The following GLIS3 variants were observed in gnomAD, a reference collection of about 807,000 sequenced individuals.
GLIS3 encodes the protein GLIS family zinc finger 3.
A neutral mutation model predicts 78.6 loss-of-function variants in GLIS3; 53 were observed. That is an observed-to-expected ratio of 0.67 (90% CI 0.54 to 0.85). GLIS3 has a LOEUF of 0.85. Among genes scored for constraint, GLIS3 ranks in the 40% least tolerant of loss-of-function variants. The probability of loss-of-function intolerance (pLI) is 0.00; values close to 1 mark genes in which losing one functional copy is unlikely to be tolerated. For missense variants in GLIS3, 1,703 were observed against 1,231.1 expected (o/e 1.38, Z -5.74); for synonymous variants, 684 against 509.9 (o/e 1.34, Z -4.60).
intron 8 of GLIS3, among the ~76,000 whole-genome samples, chr9:3,856,895 T>TTTAAATAAGGAGATGTTGTCAAGA (rs1342462576): frequency 2.0e-5 from 3 of 152,120 alleles, no homozygotes; most frequent in African/African-American, 7.2e-5. Context: ...CATGTTGATG[T>TTTAAATAAGGAGATGTTGTCAAGA]TTAAATAAGG....
the GLIS3 span, among the ~76,000 whole-genome samples, chr9:4,355,981 T>G: frequency 6.6e-6 from 1 of 152,178 alleles, no homozygotes; most frequent in African/African-American, 2.4e-5. Context: ...GGCACTTCAG[T>G]TCTGTGTGTT....
chr9:4,056,734 C>T (rs1198481577), intron 4 of GLIS3, among the ~76,000 whole-genome samples: 1 of 152,054 alleles, frequency 6.6e-6, no homozygotes, highest in African/African-American at 2.4e-5. Context: ...ACCACGCACA[C>T]ACAAACTATG....
the GLIS3 span, among the ~76,000 whole-genome samples, chr9:4,399,722 A>T: frequency 6.6e-6 from 1 of 152,206 alleles, no homozygotes; most frequent in Middle Eastern, 3.2e-3. Flanking sequence ...AGTAACAAGT[A>T]AAGTAGACTA....
intron 2 of GLIS3, among the ~76,000 whole-genome samples, chr9:4,316,961 A>ACGT (rs143613916): frequency 6.6e-6 from 1 of 151,680 alleles, no homozygotes; most frequent in African/African-American, 2.4e-5. Flanking sequence ...GTTTTTTAAT[A>ACGT]TGTTTTGCTT....
At chr9:4,131,687 C>T (rs1317935164) in intron 2 of GLIS3, among the ~76,000 whole-genome samples, 1 of 152,200 alleles carries the variant, frequency 6.6e-6, no homozygotes, top group Non-Finnish European at 1.5e-5. Context: ...GCCTGCAGAA[C>T]TGTGAACCAA....
chr9:4,084,459 T>G (rs1828845489), intron 4 of GLIS3, among the ~76,000 whole-genome samples: 1 of 151,962 alleles, frequency 6.6e-6, no homozygotes, highest in South Asian at 2.1e-4. Flanking sequence ...CAGGTTCGCG[T>G]GGTGGAGAAG....
At chr9:4,155,740 G>A (rs941827851) in intron 2 of GLIS3, among the ~76,000 whole-genome samples, 6 of 152,058 alleles carry the variant, frequency 3.9e-5, no homozygotes, top group Non-Finnish European at 5.9e-5. Flanking sequence ...AGAATTTCAC[G>A]GACGGCTGTA....
chr9:4,466,869 T>C, the GLIS3 span, among the ~76,000 whole-genome samples: 1 of 152,204 alleles, frequency 6.6e-6, no homozygotes, highest in African/African-American at 2.4e-5. Context: ...GGTCGGGGTA[T>C]TCCCCTTCCT....
chr9:4,345,071 TAAATC>T (rs571901326), intron 2 of GLIS3, among the ~76,000 whole-genome samples: 1 of 152,176 alleles, frequency 6.6e-6, no homozygotes, highest in Admixed American at 6.5e-5. Context: ...CCTTTAAACT[TAAATC>T]AGATCACTCC....
chr9:4,127,271 G>A (rs1000419734), intron 2 of GLIS3, among the ~76,000 whole-genome samples: 4 of 152,234 alleles, frequency 2.6e-5, no homozygotes, highest in African/African-American at 4.8e-5. Context: ...CTGATTCTAC[G>A]AGAATGTATT....
chr9:4,420,865 T>C, the GLIS3 span, among the ~76,000 whole-genome samples: 1 of 152,070 alleles, frequency 6.6e-6, no homozygotes, highest in Non-Finnish European at 1.5e-5. Flanking sequence ...CCACCTGAAA[T>C]TGTTATATAT....
intron 4 of GLIS3, among the ~76,000 whole-genome samples, chr9:4,069,300 A>G (rs539921108): frequency 6.6e-6 from 1 of 152,316 alleles, no homozygotes; most frequent in Non-Finnish European, 1.5e-5. Context: ...GCCTGAAACT[A>G]TTGGAAAGCC....
At chr9:4,108,999 C>A (rs1341028017) in intron 4 of GLIS3, among the ~76,000 whole-genome samples, 2 of 152,138 alleles carry the variant, frequency 1.3e-5, no homozygotes, top group African/African-American at 4.8e-5. Flanking sequence ...CTTCCCCGGT[C>A]TAGAGAGACA....
intron 3 of GLIS3, among the ~76,000 whole-genome samples, chr9:4,125,147 A>G (rs1341330750): frequency 6.6e-6 from 1 of 152,212 alleles, no homozygotes; most frequent in African/African-American, 2.4e-5. Context: ...TGTAACTCAA[A>G]CACAAAAGTA....
chr9:4,187,888 C>G (rs201830122), intron 2 of GLIS3, among the ~76,000 whole-genome samples: 12 of 151,942 alleles, frequency 7.9e-5, no homozygotes, highest in African/African-American at 1.2e-4. Flanking sequence ...AGCTTAAGGA[C>G]ATTTTGGGCG....
At chr9:4,010,419 T>C (rs990261688) in intron 4 of GLIS3, among the ~76,000 whole-genome samples, 9 of 152,152 alleles carry the variant, frequency 5.9e-5, no homozygotes, top group African/African-American at 2.2e-4. Context: ...AGCATTCCTC[T>C]CCCCTTTAGA....
the GLIS3 span, among the ~76,000 whole-genome samples, chr9:4,389,319 A>G: frequency 2.7e-3 from 405 of 152,276 alleles, 1 homozygote; most frequent in African/African-American, 9.1e-3. Context: ...TAATTCATGA[A>G]TATCTCTTCC....
intron 4 of GLIS3, among the ~76,000 whole-genome samples, chr9:4,068,897 C>T (rs538300938): frequency 9.2e-4 from 140 of 151,436 alleles, no homozygotes; most frequent in Non-Finnish European, 1.7e-3. Flanking sequence ...CACACTTGGG[C>T]AATAAATCCT....
At chr9:4,438,684 TC>T in the GLIS3 span, among the ~76,000 whole-genome samples, 19 of 152,312 alleles carry the variant, frequency 1.2e-4, 1 homozygote, top group East Asian at 2.5e-3. Context: ...GCAAGCAGGT[TC>T]CCCATGCTGT....
Sources: gnomAD v4.1 joint callset for allele counts (sites outside exome capture counted in the v4.1 genomes callset) on GRCh38, gnomAD v4.1.1 for gene constraint, MANE v1.5 for transcripts, NCBI Gene and HGNC (gene_info 2026-07-23, HGNC 2026-07-21) for gene names.